GHR: variants seen among roughly 807,000 people sequenced by gnomAD.
GHR encodes the protein growth hormone receptor.
A neutral mutation model predicts 67.1 loss-of-function variants in GHR; 35 were observed. That is an observed-to-expected ratio of 0.52 (90% CI 0.40 to 0.69). The LOEUF is 0.69. GHR is among the 30% of genes least tolerant of loss of function. The pLI is 0.00. For synonymous variants in GHR, 272 were observed against 269.1 expected (o/e 1.01, Z -0.10); for missense variants, 792 against 764.6 (o/e 1.04, Z -0.42).
At chr5:42,472,041 TAA>T (rs1485660764) in intron 1 of GHR, among the ~76,000 whole-genome samples, 1 of 152,208 alleles carries the variant, frequency 6.6e-6, no homozygotes, top group Non-Finnish European at 1.5e-5. Context: ...AGAAAGTGAT[TAA>T]AATGCAAAAG....
intron 2 of GHR, among the ~76,000 whole-genome samples, chr5:42,612,846 A>T (rs1752955565): frequency 6.6e-6 from 1 of 152,024 alleles, no homozygotes; most frequent in East Asian, 1.9e-4. Context: ...CTTGACCCTC[A>T]CAAACAGTGT....
At chr5:42,574,551 G>C (rs1327546291) in intron 2 of GHR, among the ~76,000 whole-genome samples, 1 of 152,158 alleles carries the variant, frequency 6.6e-6, no homozygotes, top group African/African-American at 2.4e-5. Flanking sequence ...TTGACAAACT[G>C]ATGTGTATAC....
chr5:42,431,733 T>A (rs1579685843), intron 1 of GHR, among the ~76,000 whole-genome samples: 2 of 152,210 alleles, frequency 1.3e-5, no homozygotes, highest in Non-Finnish European at 2.9e-5. Context: ...GTGAATTTGT[T>A]TAAAGATAAA....
At chr5:42,694,577 A>G (rs1056229567) in intron 4 of GHR, among the ~76,000 whole-genome samples, 3 of 152,284 alleles carry the variant, frequency 2.0e-5, no homozygotes, top group Middle Eastern at 3.4e-3. Context: ...GTTTTAATGA[A>G]CATTTTTAAA....
chr5:42,590,846 C>A (rs1022784578), intron 2 of GHR, among the ~76,000 whole-genome samples: 13 of 152,146 alleles, frequency 8.5e-5, no homozygotes, highest in African/African-American at 2.9e-4. Flanking sequence ...AGTGAAATGA[C>A]CACTTGCTTT....
rs144920025 is a variant in GHR, at chr5:42,485,209, A to ACCC, written c.-12+61254_-12+61255insCCC. Among the ~76,000 whole-genome samples the ACCC allele has an allele frequency of 6.6e-5, 10 of 152,238 alleles. No homozygotes were observed. The East Asian group carries it at 1.7e-3, about 26-fold the overall frequency. On this transcript the variant is annotated intron_variant, in intron 1 of 9. Coordinates refer to ENST00000230882, the MANE Select transcript of GHR (RefSeq NM_000163.5). ...TATAAATTCACACTGGGCTATTTCC[A>ACCC]TTCCCTAAGTTTGCTTTGCCCTTTC... is the stretch of plus-strand genomic sequence containing the variant.
At chr5:42,587,906 C>T (rs1313416909) in intron 2 of GHR, among the ~76,000 whole-genome samples, 1 of 152,142 alleles carries the variant, frequency 6.6e-6, no homozygotes, top group African/African-American at 2.4e-5. Flanking sequence ...CTACCCCTTA[C>T]TGTGAGTTAT....
At chr5:42,500,056 G>A (rs576096249) in intron 1 of GHR, among the ~76,000 whole-genome samples, 1 of 152,146 alleles carries the variant, frequency 6.6e-6, no homozygotes, top group Non-Finnish European at 1.5e-5. Context: ...GTTTGTTAGT[G>A]TTGACAACCA....
intron 1 of GHR, among the ~76,000 whole-genome samples, chr5:42,525,490 G>A (rs1013539965): frequency 6.6e-5 from 10 of 152,176 alleles, no homozygotes; most frequent in Admixed American, 6.5e-4. Context: ...AGGCTTATAG[G>A]CAGAAAAGAT....
At chr5:42,467,272 C>A in intron 1 of GHR, 1 of 1,261,330 alleles carries the variant, frequency 7.9e-7, no homozygotes, top group Non-Finnish European at 1.2e-6. Context: ...TGAAAAACAA[C>A]TAAAGGTTTT....
In GHR at chr5:42,688,871, T is replaced by G. The variant is rs777985976; in HGVS notation, c.137-19T>G. 1.2e-6 allele frequency: 2 copies of G among 1,612,566 alleles called. No homozygotes were observed. The highest frequency in any genetic ancestry group is 8.5e-7 in the Non-Finnish European group (1 of 1,178,596). On this transcript the variant is annotated intron_variant, in intron 3 of 9. Coordinates refer to ENST00000230882, the MANE Select transcript of GHR (RefSeq NM_000163.5). ...GACTCACCTGATTTCATGCCTTGCC[T>G]TTTCTTTTTATTCTGCAGATTCTTC...
intron 1 of GHR, among the ~76,000 whole-genome samples, chr5:42,533,501 A>G (rs1423885776): frequency 1.3e-5 from 2 of 151,838 alleles, no homozygotes; most frequent in African/African-American, 4.8e-5. Flanking sequence ...CTAGATTTTG[A>G]GAATTGCTCA....
chr5:42,643,543 A>G (rs1754582562), intron 3 of GHR, among the ~76,000 whole-genome samples: 1 of 152,148 alleles, frequency 6.6e-6, no homozygotes, highest in African/African-American at 2.4e-5. Flanking sequence ...CTCTCCCTGG[A>G]TATGAGCACA....
chr5:42,703,975 G>A (rs1478703346), intron 6 of GHR, among the ~76,000 whole-genome samples: 1 of 151,842 alleles, frequency 6.6e-6, no homozygotes, highest in African/African-American at 2.4e-5. Context: ...ATAAAATCAT[G>A]TCATCTGTAA....
intron 1 of GHR, among the ~76,000 whole-genome samples, chr5:42,509,271 A>G (rs1421141040): frequency 6.6e-6 from 1 of 152,174 alleles, no homozygotes; most frequent in African/African-American, 2.4e-5. Context: ...CATGGGCCCT[A>G]ACCTCACTGA....
chr5:42,695,134 A>G, intron 5 of GHR, 45 bp downstream of exon 5: 1 of 1,338,424 alleles, frequency 7.5e-7, no homozygotes, highest in African/African-American at 1.4e-5. Flanking sequence ...TTTAGACTAA[A>G]TAAATGGGGA....
At chr5:42,432,804 C>A (rs1181174497) in intron 1 of GHR, among the ~76,000 whole-genome samples, 1 of 152,212 alleles carries the variant, frequency 6.6e-6, no homozygotes, top group Non-Finnish European at 1.5e-5. Context: ...TTTCATAGTT[C>A]ATTCTTTCAA....
intron 1 of GHR, among the ~76,000 whole-genome samples, chr5:42,537,116 T>C (rs1239937728): frequency 6.6e-6 from 1 of 152,096 alleles, no homozygotes; most frequent in Non-Finnish European, 1.5e-5. Flanking sequence ...TAACCAGCTT[T>C]TTGTTTTATT....
chr5:42,514,791 T>C (rs1253760820), intron 1 of GHR: 1 of 152,362 alleles, frequency 6.6e-6, no homozygotes, highest in Admixed American at 6.5e-5. Flanking sequence ...GAACTATGTA[T>C]GCACGTTTTC....
Sources: gnomAD v4.1 joint callset for allele counts (sites outside exome capture counted in the v4.1 genomes callset) on GRCh38, gnomAD v4.1.1 for gene constraint, MANE v1.5 for transcripts, NCBI Gene and HGNC (gene_info 2026-07-23, HGNC 2026-07-21) for gene names.